The following PDE3A variants were observed in gnomAD, a reference collection of about 807,000 sequenced individuals.
The protein encoded by PDE3A is phosphodiesterase 3A.
Under a neutral mutation model 98.3 loss-of-function variants are expected in PDE3A, and 43 were observed. The ratio of observed to expected loss-of-function variants is 0.44; its 90% CI spans 0.34 to 0.56. The LOEUF is 0.56. PDE3A is among the 20% of genes least tolerant of loss of function. The pLI is 0.01. For synonymous variants in PDE3A, 663 were observed against 567.9 expected, an observed-to-expected ratio of 1.17 and a Z score of -2.38; for missense variants, 1,427 against 1,440.7, an observed-to-expected ratio of 0.99 and a Z score of 0.15.
At chr12:20,606,344 GTTAC>G (rs1943708547) in intron 2 of PDE3A, among the ~76,000 whole-genome samples, 1 of 152,082 alleles carries the variant, frequency 6.6e-6, no homozygotes, top group African/African-American at 2.4e-5. Context: ...AATCTGATAT[GTTAC>G]TTAATGATAC....
chr12:20,616,329 C>G lies in PDE3A; in HGVS notation c.1369C>G (p.Pro457Ala). The change falls in exon 4 of 16, where the codon CCA (proline) becomes GCA (alanine). Residue 457 changes from proline (P) to alanine (A), a missense_variant. Physicochemically the swap from Pro to Ala is conservative, Grantham distance 27. Coordinates refer to ENST00000359062, the MANE Select transcript of PDE3A (RefSeq NM_000921.5). ...ATGLPTLEPAPVRRDRSTSIK... is the reference protein window; with the variant it reads ...ATGLPTLEPAAVRRDRSTSIK... The stretch of plus-strand genomic sequence containing the variant: ...AGGTCTACCCACCTTGGAGCCTGCA[C>G]CAGTACGGAGAGACCGCAGCACCAG... The G allele has an allele frequency of 6.2e-7, 1 of 1,614,020 alleles. No individual in the cohort carries two copies.
At chr12:20,598,350 T>C (rs936277327) in intron 2 of PDE3A, among the ~76,000 whole-genome samples, 3 of 151,864 alleles carry the variant, frequency 2.0e-5, no homozygotes, top group Non-Finnish European at 4.4e-5. Context: ...GCCCGGCTAA[T>C]TTTTTGTATT....
At chr12:20,597,374 C>T (rs1262527747) in intron 2 of PDE3A, among the ~76,000 whole-genome samples, 1 of 152,100 alleles carries the variant, frequency 6.6e-6, no homozygotes, top group African/African-American at 2.4e-5. Context: ...GGTGTTGGAT[C>T]TATGAGACTT....
chr12:20,625,112 C>T (rs4397903), intron 5 of PDE3A, among the ~76,000 whole-genome samples: 12,115 of 152,186 alleles, frequency 0.08, 657 homozygotes, highest in East Asian at 0.2. Context: ...AAGTAAACAG[C>T]GTGTCCTCTA....
chr12:20,594,674 G>A (rs1943422330), intron 2 of PDE3A, among the ~76,000 whole-genome samples: 2 of 152,076 alleles, frequency 1.3e-5, no homozygotes, highest in South Asian at 2.1e-4. Context: ...TAAATGAGTA[G>A]CATTTTGATT....
intron 2 of PDE3A, among the ~76,000 whole-genome samples, chr12:20,561,210 A>T (rs776407612): frequency 2.6e-5 from 4 of 152,100 alleles, no homozygotes; most frequent in Non-Finnish European, 4.4e-5. Context: ...GTGAGCCAAG[A>T]TTGCGCCGCT....
chr12:20,542,576 T>C (rs1941946767), intron 1 of PDE3A, among the ~76,000 whole-genome samples: 1 of 152,054 alleles, frequency 6.6e-6, no homozygotes, highest in Non-Finnish European at 1.5e-5. Context: ...ATTTTAATGC[T>C]ACAGTCTGAG....
chr12:20,504,627 G>A (rs144246963), intron 1 of PDE3A, among the ~76,000 whole-genome samples: 242 of 152,202 alleles, frequency 1.6e-3, no homozygotes, highest in Non-Finnish European at 2.7e-3. Context: ...AGAGGGATCT[G>A]TTTCCTTGCC....
chr12:20,428,026 T>C (rs1267639572), intron 1 of PDE3A, among the ~76,000 whole-genome samples: 1 of 152,006 alleles, frequency 6.6e-6, no homozygotes, highest in Non-Finnish European at 1.5e-5. Context: ...ATCGTTCAAG[T>C]CAGTAATGAA....
intron 5 of PDE3A, among the ~76,000 whole-genome samples, chr12:20,624,464 A>G (rs955869817): frequency 1.3e-5 from 2 of 152,166 alleles, no homozygotes; most frequent in African/African-American, 4.8e-5. Flanking sequence ...GCAAAGGAGC[A>G]AAATGTAAAA....
At position 20,682,667 on chromosome 12, in the gene PDE3A, T is replaced by G. The variant is rs1395468283; in HGVS notation, c.*2396T>G. ...TGTGTATCTCCATGTTTGCAAAAAT[T>G]ACTATAAGTCAAATTTTGCCAGTGA... On this transcript the variant is annotated 3_prime_UTR_variant, in exon 16 of 16. Coordinates refer to ENST00000359062, the MANE Select transcript of PDE3A (RefSeq NM_000921.5). 1 of 152,338 alleles carries G rather than the reference T, an allele frequency of 6.6e-6. No individual in the cohort carries two copies. The highest frequency in any genetic ancestry group is 2.4e-5 in the African/African-American group (1 of 41,584). 9.4% of individuals were successfully genotyped at this position (152,338 alleles called of 1,614,324 possible). A position where few individuals can be genotyped will look rare whatever the true frequency, so the allele number is the denominator to read the frequency against.
At chr12:20,371,756 T>G (rs1943481178) in intron 1 of PDE3A, among the ~76,000 whole-genome samples, 1 of 152,178 alleles carries the variant, frequency 6.6e-6, no homozygotes, top group Non-Finnish European at 1.5e-5. Context: ...TGACTGATAG[T>G]TTTGGTAAAA....
At chr12:20,659,455 C>T (rs1945110947) in intron 15 of PDE3A, among the ~76,000 whole-genome samples, 1 of 151,958 alleles carries the variant, frequency 6.6e-6, no homozygotes, top group Admixed American at 6.6e-5. Context: ...CATTATTGTG[C>T]TATTATTAAG....
At chr12:20,431,430 G>T (rs569552538) in intron 1 of PDE3A, among the ~76,000 whole-genome samples, 65 of 152,158 alleles carry the variant, frequency 4.3e-4, no homozygotes, top group South Asian at 8.3e-4. Flanking sequence ...TGGAGAAAAA[G>T]GTTTTTATTA....
At chr12:20,675,285 T>C (rs1489333051) in intron 15 of PDE3A, among the ~76,000 whole-genome samples, 4 of 152,184 alleles carry the variant, frequency 2.6e-5, no homozygotes, top group South Asian at 4.1e-4. Context: ...AAACTTGATA[T>C]AATTTAGATT....
At chr12:20,675,908 A>G (rs1277897379) in intron 15 of PDE3A, among the ~76,000 whole-genome samples, 4 of 152,158 alleles carry the variant, frequency 2.6e-5, no homozygotes, top group Non-Finnish European at 5.9e-5. Flanking sequence ...GCACATAATT[A>G]AGTCATGTTC....
chr12:20,447,308 C>A (rs1368801584), intron 1 of PDE3A, among the ~76,000 whole-genome samples: 2 of 152,220 alleles, frequency 1.3e-5, no homozygotes, highest in African/African-American at 4.8e-5. Flanking sequence ...TGTCATACAG[C>A]TCCTAAAACC....
chr12:20,495,959 A>G (rs988522522), intron 1 of PDE3A, among the ~76,000 whole-genome samples: 1 of 152,246 alleles, frequency 6.6e-6, no homozygotes, highest in African/African-American at 2.4e-5. Context: ...AAGGAATTCT[A>G]CATGTTAAAA....
chr12:20,397,512 A>C (rs1245141533), intron 1 of PDE3A, among the ~76,000 whole-genome samples: 1 of 152,030 alleles, frequency 6.6e-6, no homozygotes, highest in Non-Finnish European at 1.5e-5. Context: ...TATCAAGTTA[A>C]TATAGTAATA....
Sources: gnomAD v4.1 joint callset for allele counts (sites outside exome capture counted in the v4.1 genomes callset) on GRCh38, gnomAD v4.1.1 for gene constraint, MANE v1.5 for transcripts, NCBI Gene and HGNC (gene_info 2026-07-23, HGNC 2026-07-21) for gene names.